The following LRP1B variants were observed in gnomAD, a reference collection of about 807,000 sequenced individuals.
LRP1B encodes the protein LDL receptor related protein 1B.
Under a neutral mutation model 556.6 loss-of-function variants are expected in LRP1B, and 217 were observed. The observed-to-expected ratio is 0.39, with a 90% CI of 0.35 to 0.44. LRP1B has a LOEUF of 0.44. Ranked by LOEUF, LRP1B falls within the 20% of genes least tolerant of loss-of-function variation. LRP1B has a pLI of 1.00. For synonymous variants in LRP1B, 2,047 were observed against 1,865.8 expected, an observed-to-expected ratio of 1.10 and a Z score of -2.50; for missense variants, 5,053 against 5,620.8, an observed-to-expected ratio of 0.90 and a Z score of 3.23.
At position 141,182,946 on chromosome 2, in the gene LRP1B, G is replaced by A. The variant is rs548842744; in HGVS notation, c.1013+5475C>T. 2.6e-5 allele frequency among the ~76,000 whole-genome samples: 4 copies of A among 152,064 alleles called. No homozygotes were observed. The South Asian group carries it at 6.2e-4, about 24-fold the overall frequency. ...TTTAAGGCAGTCATGAATCACAGAT[G>A]AGGACCCTACCTTCCAAGATGGGTA... is the stretch of plus-strand genomic sequence containing the variant. On this transcript the variant is annotated intron_variant, in intron 7 of 90. Transcript: ENST00000389484.
intron 3 of LRP1B, among the ~76,000 whole-genome samples, chr2:141,415,037 C>A (rs918294426): frequency 6.6e-6 from 1 of 151,250 alleles, no homozygotes; most frequent in African/African-American, 2.5e-5. Flanking sequence ...TGTTTTGAGA[C>A]GGAGTCTTGC....
chr2:140,602,512 A>G (rs1452998639), intron 41 of LRP1B, among the ~76,000 whole-genome samples: 2 of 151,972 alleles, frequency 1.3e-5, no homozygotes, highest in African/African-American at 2.4e-5. Context: ...GAACGTATAC[A>G]CTTTTTTCAG....
chr2:141,787,600 C>T (rs997001785), intron 2 of LRP1B, among the ~76,000 whole-genome samples: 3 of 150,836 alleles, frequency 2.0e-5, no homozygotes, highest in African/African-American at 7.3e-5. Context: ...GAGTTGACTA[C>T]AAATAGAAAA....
At chr2:142,129,224 G>C (rs1707762711) in intron 1 of LRP1B, among the ~76,000 whole-genome samples, 1 of 152,194 alleles carries the variant, frequency 6.6e-6, no homozygotes, top group Non-Finnish European at 1.5e-5. Context: ...CATCAGTATA[G>C]TTTCCAACCA....
intron 2 of LRP1B, among the ~76,000 whole-genome samples, chr2:141,808,959 A>G (rs57606074): frequency 0.033 from 4,957 of 152,134 alleles, 293 homozygotes; most frequent in African/African-American, 0.11. Context: ...ATATTCCTCT[A>G]TATGGGTTTA....
At position 140,309,813 on chromosome 2, in the gene LRP1B, A is replaced by G. The variant is rs577476878; in HGVS notation, c.12805+5122T>C. On this transcript the variant is annotated intron_variant, in intron 83 of 90. Coordinates refer to ENST00000389484, the MANE Select transcript of LRP1B (RefSeq NM_018557.3). ...TATTTTATGTATACATAATTTCCCT[A>G]CTAGGCTCATATTATACAGCAGTTG... is the stretch of plus-strand genomic sequence containing the variant. 4.0e-5 allele frequency among the ~76,000 whole-genome samples: 6 copies of G among 151,868 alleles called. No individual in the cohort carries two copies. In the East Asian group the frequency reaches 1.2e-3, roughly 29 times the overall value.
At chr2:141,858,267 A>G (rs1014772935) in intron 1 of LRP1B, among the ~76,000 whole-genome samples, 2 of 152,174 alleles carry the variant, frequency 1.3e-5, no homozygotes, top group Non-Finnish European at 2.9e-5. Context: ...TGCTATCCAC[A>G]CTGTAAGTTC....
intron 7 of LRP1B, among the ~76,000 whole-genome samples, chr2:141,185,200 T>C (rs1681187563): frequency 6.6e-6 from 1 of 152,084 alleles, no homozygotes; most frequent in African/African-American, 2.4e-5. Flanking sequence ...TAATTCACAT[T>C]TTTATGACAA....
intron 83 of LRP1B, among the ~76,000 whole-genome samples, chr2:140,301,750 T>C (rs1683832837): frequency 6.6e-6 from 1 of 151,838 alleles, no homozygotes; most frequent in African/African-American, 2.4e-5. Context: ...CTTATATATA[T>C]ATACACATAT....
chr2:140,958,484 T>A (rs1239361437), intron 18 of LRP1B, among the ~76,000 whole-genome samples: 1 of 151,548 alleles, frequency 6.6e-6, no homozygotes. Flanking sequence ...AACTGGAAGA[T>A]CTGAAGAAAT....
intron 75 of LRP1B, 67 bp from the exon 76 acceptor site, chr2:140,353,139 T>C: frequency 6.5e-7 from 1 of 1,538,096 alleles, no homozygotes; most frequent in Non-Finnish European, 8.8e-7. Flanking sequence ...TTACCACGTT[T>C]CAAAAAAGCC....
chr2:141,687,118 T>C (rs564583519), intron 2 of LRP1B, among the ~76,000 whole-genome samples: 1 of 152,108 alleles, frequency 6.6e-6, no homozygotes, highest in South Asian at 2.1e-4. Context: ...ACTCTACCTT[T>C]GATTAAATGC....
At chr2:141,267,715 CTG>C (rs1684941762) in intron 3 of LRP1B, among the ~76,000 whole-genome samples, 1 of 152,110 alleles carries the variant, frequency 6.6e-6, no homozygotes, top group Admixed American at 6.5e-5. Flanking sequence ...CCAGTAGAAA[CTG>C]TGTATACCCA....
rs75666801 is a variant in LRP1B at position 141,387,138 on chromosome 2, A to T, written c.343+93258T>A. Among the ~76,000 whole-genome samples, 85 of 152,146 alleles carry T rather than the reference A, an allele frequency of 5.6e-4. 2 individuals are homozygous for T. The East Asian group carries it at 0.016, about 29-fold the overall frequency. ...GAAATCACAAGGGAAATTAGAAAAT[A>T]CCTAAAAGACAAATGAAAACAAAAG... On this transcript the variant is annotated intron_variant, in intron 3 of 90. Transcript: ENST00000389484.
intron 87 of LRP1B, among the ~76,000 whole-genome samples, chr2:140,246,616 T>C (rs558407358): frequency 6.6e-6 from 1 of 151,614 alleles, no homozygotes; most frequent in African/African-American, 2.4e-5. Flanking sequence ...TCAACTTATA[T>C]CTTTATTAAG....
At chr2:140,378,431 T>G (rs1683331395) in intron 67 of LRP1B, 145 bp from the exon 68 acceptor site, 1 of 563,480 alleles carries the variant, frequency 1.8e-6, no homozygotes, top group African/African-American at 1.9e-5. Context: ...AAAAATCTCA[T>G]GAAGCATCTA....
intron 7 of LRP1B, among the ~76,000 whole-genome samples, chr2:141,122,384 A>T (rs1470325336): frequency 3.5e-5 from 5 of 142,070 alleles, no homozygotes; most frequent in South Asian, 2.4e-4. Context: ...GAATCTACAA[A>T]TAACTCAAAC....
At chr2:140,605,011 C>G (rs1682816577) in intron 41 of LRP1B, among the ~76,000 whole-genome samples, 1 of 151,986 alleles carries the variant, frequency 6.6e-6, no homozygotes, top group Non-Finnish European at 1.5e-5. Context: ...TATAAATTAC[C>G]CAGTCTCGGG....
At chr2:140,946,625 C>G (rs908207024) in intron 20 of LRP1B, among the ~76,000 whole-genome samples, 1 of 151,908 alleles carries the variant, frequency 6.6e-6, no homozygotes. Context: ...ACAACAACAA[C>G]AAAAACAACA....
Sources: gnomAD v4.1 joint callset for allele counts (sites outside exome capture counted in the v4.1 genomes callset) on GRCh38, gnomAD v4.1.1 for gene constraint, MANE v1.5 for transcripts, NCBI Gene and HGNC (gene_info 2026-07-23, HGNC 2026-07-21) for gene names.